DNAAF1: variants seen among roughly 807,000 people sequenced by gnomAD.
The protein encoded by DNAAF1 is dynein assembly factor 1, axonemal.
DNAAF1 carries 65 observed loss-of-function variants against 71.1 expected under a neutral mutation model. The ratio of observed to expected loss-of-function variants is 0.91; its 90% CI spans 0.75 to 1.12. DNAAF1 has a LOEUF of 1.12. Among genes scored for constraint, DNAAF1 ranks in the 50% most tolerant of loss-of-function variants. The pLI is 0.00. For missense variants in DNAAF1, 1,178 were observed against 899.8 expected, an observed-to-expected ratio of 1.31 and a Z score of -3.96; for synonymous variants, 414 against 354.6, an observed-to-expected ratio of 1.17 and a Z score of -1.88.
intron 9 of DNAAF1, chr16:84,173,196 G>C (rs2088458448): frequency 2.0e-6 from 2 of 985,284 alleles, no homozygotes; most frequent in Non-Finnish European, 2.4e-6. Context: ...AGGCATGGTG[G>C]CTTACGCCTG....
intron 7 of DNAAF1, among the ~76,000 whole-genome samples, chr16:84,168,381 T>C (rs1475222311): frequency 6.6e-6 from 1 of 152,242 alleles, no homozygotes. Flanking sequence ...CACAGTTCCT[T>C]TGTCCGTGTA....
At chr16:84,147,985 T>C (rs2086994385) in intron 1 of DNAAF1, among the ~76,000 whole-genome samples, 1 of 152,044 alleles carries the variant, frequency 6.6e-6, no homozygotes, top group Non-Finnish European at 1.5e-5. Flanking sequence ...TGAGAATCGC[T>C]TGAACCCGGG....
chr16:84,157,998 G>A (rs762329529), intron 5 of DNAAF1, among the ~76,000 whole-genome samples: 11 of 152,142 alleles, frequency 7.2e-5, no homozygotes, highest in Admixed American at 3.3e-4. Flanking sequence ...ACGAGGTCGG[G>A]AGATCGAGAC....
intron 3 of DNAAF1, among the ~76,000 whole-genome samples, chr16:84,152,565 G>A (rs111820593): frequency 7.3e-5 from 11 of 150,060 alleles, no homozygotes. Context: ...CAGGAGAATC[G>A]CTTGAACCCA....
Position 84,177,752 on chromosome 16 carries a change from C to T in DNAAF1, c.2089C>T (p.Pro697Ser), listed in dbSNP as rs768350000. 2.5e-6 allele frequency: 4 copies of T among 1,613,836 alleles called. No homozygotes were observed. Among genetic ancestry groups the T allele is most frequent in the East Asian group, 4.5e-5 (2 of 44,892 alleles). The change falls in exon 12 of 12, where the codon CCC becomes TCC. Residue 697 changes from proline to serine, a missense_variant. Coordinates refer to ENST00000378553, the MANE Select transcript of DNAAF1 (RefSeq NM_178452.6). Reference protein sequence around the residue: ...SPVPTESAATPPETCVGVAQP... With the variant: ...SPVPTESAATSPETCVGVAQP... ...AGTGCCGACTGAGAGCGCCGCCACA[C>T]CCCCAGAGACGTGTGTCGGAGTTGC...
At chr16:84,149,651 A>G (rs1392930823) in intron 2 of DNAAF1, among the ~76,000 whole-genome samples, 1 of 140,270 alleles carries the variant, frequency 7.1e-6, no homozygotes. Flanking sequence ...AGATCATACC[A>G]CTGCACTCCA....
chr16:84,163,769 G>A (rs2087832108), intron 6 of DNAAF1, among the ~76,000 whole-genome samples: 1 of 152,046 alleles, frequency 6.6e-6, no homozygotes, highest in Non-Finnish European at 1.5e-5. Flanking sequence ...ATGATGTTGA[G>A]CACGTTTCAT....
At position 84,149,121 on chromosome 16, in the gene DNAAF1, A is replaced by G; in HGVS notation, c.239A>G (p.Asp80Gly). The G allele has an allele frequency of 6.2e-7, 1 of 1,614,154 alleles. No homozygotes were observed. The highest frequency in any genetic ancestry group is 8.5e-7 in the Non-Finnish European group (1 of 1,180,030). Residue 80 changes from aspartate to glycine, a missense_variant, in exon 2 of 12, where the codon GAC becomes GGC. Asp to Gly is a moderately conservative substitution (Grantham distance 94). Coordinates refer to ENST00000378553, the MANE Select transcript of DNAAF1 (RefSeq NM_178452.6). ...GGTCACTTCGCACACCCAAGAGAAG[A>G]CAGGGAAGATCGGGGCCCCAGGTAT... is the stretch of plus-strand genomic sequence containing the variant. ...SGGHFAHPRE[D>G]REDRGPRMTK...
intron 8 of DNAAF1, 80 bp downstream of exon 8, chr16:84,170,436 C>T (rs1037290101): frequency 6.2e-7 from 1 of 1,601,432 alleles, no homozygotes; most frequent in Non-Finnish European, 8.5e-7. Flanking sequence ...TCTGTGGGAC[C>T]TGGGGCCTGA....
chr16:84,153,811 G>A (rs569986621), intron 3 of DNAAF1, among the ~76,000 whole-genome samples: 3 of 152,220 alleles, frequency 2.0e-5, no homozygotes, highest in East Asian at 3.9e-4. Context: ...TTTGCACTAG[G>A]GTCAGGCCTG....
At chr16:84,157,158 C>T (rs908635253) in intron 5 of DNAAF1, among the ~76,000 whole-genome samples, 17 of 151,876 alleles carry the variant, frequency 1.1e-4, no homozygotes, top group African/African-American at 2.2e-4. Flanking sequence ...TCATTATGAA[C>T]GCATACATTT....
chr16:84,169,622 T>C (rs77385746), intron 7 of DNAAF1, among the ~76,000 whole-genome samples: 165 of 152,134 alleles, frequency 1.1e-3, no homozygotes, highest in African/African-American at 3.9e-3. Flanking sequence ...GGTTTCGTCA[T>C]GTTGGCCAGC....
chr16:84,177,685 TCA>T (rs755712075), intron 11 of DNAAF1, 42 bp from the exon 12 acceptor site: 2 of 1,533,776 alleles, frequency 1.3e-6, no homozygotes, highest in East Asian at 2.2e-5. Flanking sequence ...GTCCTTGCAG[TCA>T]CAGTGACAGG....
intron 11 of DNAAF1, chr16:84,176,731 A>G (rs1203336531): frequency 7.0e-6 from 2 of 285,138 alleles, no homozygotes; most frequent in Middle Eastern, 2.5e-3. Flanking sequence ...CAGCCACACA[A>G]GGGCGTGGCT....
Position 84,155,660 on chromosome 16 carries a change from G to C in DNAAF1, c.652G>C (p.Glu218Gln), listed in dbSNP as rs1305691679. The change falls in exon 5 of 12, where the codon GAG becomes CAG. Residue 218 changes from glutamate (E) to glutamine (Q), a missense_variant. Transcript: ENST00000378553. ...CGTGGAGGACATTCAGCATCTACAA[G>C]AGTGTTTGAGGCTTTGTGTCCTTGA... ...ETVEDIQHLQ[E>Q]CLRLCVLDLS... 16 of 1,614,140 alleles carry C rather than the reference G, an allele frequency of 9.9e-6. No individual in the cohort carries two copies. Among genetic ancestry groups the C allele is most frequent in the Non-Finnish European group, 1.4e-5 (16 of 1,180,044 alleles).
chr16:84,154,767 C>T lies in DNAAF1; in HGVS notation c.543C>T (p.Ser181=). 6.2e-7 allele frequency: 1 copy of T among 1,614,166 alleles called. No individual in the cohort carries two copies. Among genetic ancestry groups the T allele is most frequent in the South Asian group, 1.1e-5 (1 of 91,078 alleles). Residue 181 remains serine (S), a synonymous_variant, in exon 4 of 12, where the codon AGC becomes AGT. Coordinates refer to ENST00000378553, the MANE Select transcript of DNAAF1 (RefSeq NM_178452.6). ...PLQKLDALNL[S]NNYIKTIENL... ...AGAAACTGGATGCTCTTAACCTCAG[C>T]AACAATTACATCAAGACCATTGAAA...
intron 3 of DNAAF1, among the ~76,000 whole-genome samples, chr16:84,154,278 T>C (rs372943584): frequency 6.6e-6 from 1 of 152,274 alleles, no homozygotes; most frequent in African/African-American, 2.4e-5. Context: ...AGCTTGCTTT[T>C]TTATTCGCAG....
At chr16:84,176,728 A>C in intron 11 of DNAAF1, 1 of 288,252 alleles carries the variant, frequency 3.5e-6, no homozygotes, top group South Asian at 3.6e-5. Flanking sequence ...TGACAGCCAC[A>C]CAAGGGCGTG....
chr16:84,157,396 G>A (rs74647125), intron 5 of DNAAF1, among the ~76,000 whole-genome samples: 13,188 of 151,126 alleles, frequency 0.087, 739 homozygotes, highest in East Asian at 0.24. Context: ...GGTGGTGCAC[G>A]TCTGTGATCT....
Sources: allele counts gnomAD v4.1 joint callset (sites outside exome capture counted in the v4.1 genomes callset), GRCh38; gene constraint gnomAD v4.1.1; transcripts MANE v1.5; gene names NCBI Gene and HGNC (gene_info 2026-07-23, HGNC 2026-07-21).